The following SHROOM3 variants were observed in gnomAD, a reference collection of about 807,000 sequenced individuals.
SHROOM3 encodes protein Shroom3.
Under a neutral mutation model 138.6 loss-of-function variants are expected in SHROOM3, and 47 were observed. The observed-to-expected ratio is 0.34, with a 90% CI of 0.27 to 0.43. The LOEUF is 0.43. SHROOM3 is among the 20% of genes least tolerant of loss of function. The pLI, the probability that SHROOM3 is intolerant of heterozygous loss-of-function variation, is 1.00. For synonymous variants in SHROOM3, 1,062 were observed against 1,063.3 expected (o/e 1.00, Z 0.02); for missense variants, 2,491 against 2,596.5 (o/e 0.96, Z 0.88).
chr4:76,546,852 G>A (rs1733230688), intron 1 of SHROOM3, among the ~76,000 whole-genome samples: 1 of 152,192 alleles, frequency 6.6e-6, no homozygotes, highest in Admixed American at 6.5e-5. Flanking sequence ...ATCTAGGAAT[G>A]AAAGTAGCCA....
chr4:76,449,697 G>T (rs969238485), intron 1 of SHROOM3, among the ~76,000 whole-genome samples: 6 of 152,144 alleles, frequency 3.9e-5, no homozygotes, highest in Admixed American at 2.6e-4. Context: ...GCTTGATCTT[G>T]AATGGATAGA....
chr4:76,542,645 C>A (rs1454282997), intron 1 of SHROOM3, among the ~76,000 whole-genome samples: 1 of 152,186 alleles, frequency 6.6e-6, no homozygotes, highest in African/African-American at 2.4e-5. Flanking sequence ...GGAAAGGAAA[C>A]CAATTCTACC....
At chr4:76,466,955 CTAA>C (rs375325904) in intron 1 of SHROOM3, among the ~76,000 whole-genome samples, 2 of 151,950 alleles carry the variant, frequency 1.3e-5, no homozygotes, top group African/African-American at 4.8e-5. Flanking sequence ...GTGAAGGAAA[CTAA>C]TATTTCTTGC....
At chr4:76,732,682 C>T (rs1344820261) in intron 4 of SHROOM3, among the ~76,000 whole-genome samples, 1 of 152,122 alleles carries the variant, frequency 6.6e-6, no homozygotes, top group Non-Finnish European at 1.5e-5. Flanking sequence ...TGTTGAGGGC[C>T]TTTAGAAGGT....
chr4:76,667,966 C>CAAAAAAAAAAAAAAAAAAAAAAAAA (rs747974205), intron 2 of SHROOM3, among the ~76,000 whole-genome samples: 1 of 62,554 alleles, frequency 1.6e-5, no homozygotes, highest in African/African-American at 6.5e-5. Flanking sequence ...GACTCCCTCT[C>CAAAAAAAAAAAAAAAAAAAAAAAAA]AAAAAAAAAA....
intron 4 of SHROOM3, among the ~76,000 whole-genome samples, chr4:76,737,925 A>AAT (rs1721125148): frequency 1.1e-5 from 1 of 95,230 alleles, no homozygotes; most frequent in Non-Finnish European, 2.6e-5. Flanking sequence ...TGGAGTTTAC[A>AAT]GTGATTGATA....
intron 2 of SHROOM3, among the ~76,000 whole-genome samples, chr4:76,637,334 G>T (rs536520712): frequency 6.6e-6 from 1 of 152,150 alleles, no homozygotes; most frequent in Non-Finnish European, 1.5e-5. Flanking sequence ...TCTGTTTCCC[G>T]TTGTTTTTCT....
At chr4:76,706,172 A>G (rs1188302145) in intron 2 of SHROOM3, among the ~76,000 whole-genome samples, 1 of 152,038 alleles carries the variant, frequency 6.6e-6, no homozygotes, top group African/African-American at 2.4e-5. Context: ...GCCAGGCTGG[A>G]GTGCAGAGCT....
chr4:76,485,055 A>C (rs1731699718), intron 1 of SHROOM3, among the ~76,000 whole-genome samples: 2 of 152,250 alleles, frequency 1.3e-5, no homozygotes, highest in South Asian at 4.1e-4. Flanking sequence ...TTCTCATATC[A>C]CATGGGAAAC....
chr4:76,662,220 G>C (rs1395567985), intron 2 of SHROOM3, among the ~76,000 whole-genome samples: 2 of 152,148 alleles, frequency 1.3e-5, no homozygotes, highest in East Asian at 1.9e-4. Flanking sequence ...GTTCCTTCTT[G>C]TTGTTGGTTG....
At chr4:76,748,233 G>A (rs1721505824) in intron 5 of SHROOM3, among the ~76,000 whole-genome samples, 1 of 152,140 alleles carries the variant, frequency 6.6e-6, no homozygotes, top group Non-Finnish European at 1.5e-5. Flanking sequence ...ATTGGGCAGG[G>A]TTAAATGGCA....
chr4:76,565,839 G>A (rs1055005192), intron 2 of SHROOM3, among the ~76,000 whole-genome samples: 1 of 152,104 alleles, frequency 6.6e-6, no homozygotes, highest in African/African-American at 2.4e-5. Flanking sequence ...CAAGAAAAAG[G>A]CTGGGTGCAG....
At chr4:76,659,876 C>G (rs575162739) in intron 2 of SHROOM3, among the ~76,000 whole-genome samples, 1 of 152,278 alleles carries the variant, frequency 6.6e-6, no homozygotes, top group South Asian at 2.1e-4. Flanking sequence ...GCCACCGCAC[C>G]CAGCCTGAGA....
chr4:76,523,625 A>G (rs759997140), intron 1 of SHROOM3, among the ~76,000 whole-genome samples: 1 of 152,216 alleles, frequency 6.6e-6, no homozygotes, highest in African/African-American at 2.4e-5. Context: ...TCTTCAGGCT[A>G]TGTCGAAGTT....
At chr4:76,608,895 T>G (rs1734705356) in intron 2 of SHROOM3, among the ~76,000 whole-genome samples, 1 of 152,228 alleles carries the variant, frequency 6.6e-6, no homozygotes, top group Non-Finnish European at 1.5e-5. Flanking sequence ...TTAATACATG[T>G]AAAGTGCTGA....
intron 3 of SHROOM3, among the ~76,000 whole-genome samples, chr4:76,722,080 G>A (rs1270249620): frequency 2.6e-5 from 4 of 152,094 alleles, no homozygotes; most frequent in Non-Finnish European, 4.4e-5. Context: ...GCTGCAGTAC[G>A]CTATGATCAT....
At chr4:76,512,120 G>A (rs1301272289) in intron 1 of SHROOM3, among the ~76,000 whole-genome samples, 1 of 152,184 alleles carries the variant, frequency 6.6e-6, no homozygotes, top group Non-Finnish European at 1.5e-5. Context: ...GGCAGTGGGA[G>A]TAGAATGGAA....
rs993070442 is a variant in SHROOM3, at chr4:76,770,554, T to C, written c.5350-72T>C. The C allele has an allele frequency of 1.0e-4, 157 of 1,577,430 alleles. 2 individuals are homozygous for C. In the Admixed American group the frequency reaches 2.6e-3, roughly 26 times the overall value. ...AGCCTTGAAGATGACAGAAGGTGGC[T>C]GGGGGAGGTGACTTCTGCTTCCACT... On this transcript the variant is annotated intron_variant, in intron 9 of 10. Transcript: ENST00000296043.
chr4:76,566,158 T>C (rs903756608), intron 2 of SHROOM3, among the ~76,000 whole-genome samples: 6 of 151,928 alleles, frequency 3.9e-5, no homozygotes, highest in African/African-American at 1.5e-4. Flanking sequence ...ATGGTTCATC[T>C]GTACTGAAAA....
Sources: allele counts gnomAD v4.1 joint callset (sites outside exome capture counted in the v4.1 genomes callset), GRCh38; gene constraint gnomAD v4.1.1; transcripts MANE v1.5; gene names NCBI Gene and HGNC (gene_info 2026-07-23, HGNC 2026-07-21).